ATXN1: variants seen among roughly 807,000 people sequenced by gnomAD.
The protein encoded by ATXN1 is ataxin-1.
In ATXN1, 8 loss-of-function variants were observed where a neutral mutation model predicts 56.4. The ratio of observed to expected loss-of-function variants is 0.14; its 90% CI spans 0.08 to 0.26. The LOEUF is 0.26. ATXN1 is among the 10% of genes least tolerant of loss of function. The pLI is 1.00. For missense variants in ATXN1, 987 were observed against 1,106.5 expected (o/e 0.89, Z 1.53); for synonymous variants, 514 against 494.6 (o/e 1.04, Z -0.52).
At chr6:16,641,948 C>G (rs527933880) in intron 3 of ATXN1, among the ~76,000 whole-genome samples, 1 of 152,036 alleles carries the variant, frequency 6.6e-6, no homozygotes, top group Non-Finnish European at 1.5e-5. Flanking sequence ...TTCAAGACTT[C>G]GGTGGAGGAA....
chr6:16,457,781 C>T (rs1288844936), intron 6 of ATXN1, among the ~76,000 whole-genome samples: 1 of 152,206 alleles, frequency 6.6e-6, no homozygotes, highest in African/African-American at 2.4e-5. Flanking sequence ...GCTCCCCTTC[C>T]TATTAATGAT....
chr6:16,689,694 A>C (rs536273917), intron 2 of ATXN1, among the ~76,000 whole-genome samples: 1 of 152,154 alleles, frequency 6.6e-6, no homozygotes, highest in East Asian at 1.9e-4. Flanking sequence ...TACATATACT[A>C]TAAAATGATT....
At chr6:16,491,277 A>AT (rs57395401) in intron 5 of ATXN1, among the ~76,000 whole-genome samples, 98 of 132,200 alleles carry the variant, frequency 7.4e-4, no homozygotes, top group African/African-American at 1.0e-3. Flanking sequence ...TATTATTATT[A>AT]TTTTTTTTTT....
At chr6:16,722,068 C>A (rs1019104991) in intron 2 of ATXN1, among the ~76,000 whole-genome samples, 2 of 152,312 alleles carry the variant, frequency 1.3e-5, no homozygotes, top group East Asian at 3.9e-4. Context: ...TGCAAAGATT[C>A]GTTCTTCTAG....
At chr6:16,704,984 C>T (rs1027878853) in intron 2 of ATXN1, among the ~76,000 whole-genome samples, 38 of 152,186 alleles carry the variant, frequency 2.5e-4, no homozygotes, top group Non-Finnish European at 1.2e-4. Context: ...GGCCCCCTTG[C>T]CTCCTCAGGC....
rs1015571607 is a variant in ATXN1 at position 16,550,528 on chromosome 6, CT to C, written c.-360-27841del. Among the ~76,000 whole-genome samples the C allele has an allele frequency of 9.2e-5, 14 of 152,204 alleles. 2 individuals carry two copies. Among genetic ancestry groups the C allele is most frequent in the Non-Finnish European group, 1.5e-5 (1 of 68,034 alleles). On this transcript the variant is annotated intron_variant, in intron 4 of 7. Coordinates refer to ENST00000436367, the MANE Select transcript of ATXN1 (RefSeq NM_001128164.2). ...CATGATGGTTACTGTTGACTATGCT[CT>C]TCTGTAGTTTTAAAAGTGCCTTTCA...
At chr6:16,307,360 TC>T (rs1371533243) in intron 7 of ATXN1, among the ~76,000 whole-genome samples, 1 of 152,056 alleles carries the variant, frequency 6.6e-6, no homozygotes, top group East Asian at 1.9e-4. Flanking sequence ...TATCACTGAG[TC>T]CCCAGCCCCT....
chr6:16,409,329 T>G (rs1442106421), intron 6 of ATXN1, among the ~76,000 whole-genome samples: 1 of 152,010 alleles, frequency 6.6e-6, no homozygotes, highest in African/African-American at 2.4e-5. Flanking sequence ...GTAGTTGTTA[T>G]GAGCACCAAC....
intron 4 of ATXN1, among the ~76,000 whole-genome samples, chr6:16,532,265 A>G (rs951887706): frequency 2.0e-5 from 3 of 152,228 alleles, no homozygotes; most frequent in Non-Finnish European, 2.9e-5. Context: ...TTAGATGACA[A>G]TGTCACACAG....
chr6:16,335,935 C>G (rs1272073093), intron 6 of ATXN1, among the ~76,000 whole-genome samples: 1 of 152,194 alleles, frequency 6.6e-6, no homozygotes, highest in African/African-American at 2.4e-5. Context: ...TCCACCAGCA[C>G]CTTAATTTTA....
At chr6:16,667,288 A>G (rs1343729115) in intron 2 of ATXN1, 1 of 152,224 alleles carries the variant, frequency 6.6e-6, no homozygotes, top group Non-Finnish European at 1.5e-5. Context: ...TAGTTGACTG[A>G]ACTTCGGTAG....
At chr6:16,539,594 T>C (rs1036540373) in intron 4 of ATXN1, among the ~76,000 whole-genome samples, 1 of 152,206 alleles carries the variant, frequency 6.6e-6, no homozygotes, top group Non-Finnish European at 1.5e-5. Flanking sequence ...CCAAAGGGCA[T>C]GCCATTTGCT....
intron 3 of ATXN1, among the ~76,000 whole-genome samples, chr6:16,606,927 C>A (rs949312694): frequency 2.5e-5 from 2 of 81,116 alleles, no homozygotes; most frequent in Non-Finnish European, 5.3e-5. Context: ...GCTCTTATTG[C>A]GCAGGCTGGA....
At chr6:16,602,627 T>A (rs1762932750) in intron 3 of ATXN1, among the ~76,000 whole-genome samples, 1 of 152,078 alleles carries the variant, frequency 6.6e-6, no homozygotes, top group African/African-American at 2.4e-5. Context: ...AATTTTTGTA[T>A]TTTTAGTACA....
intron 7 of ATXN1, among the ~76,000 whole-genome samples, chr6:16,315,459 T>C (rs1561847052): frequency 6.6e-6 from 1 of 152,166 alleles, no homozygotes; most frequent in African/African-American, 2.4e-5. Flanking sequence ...GTGGTCTGCA[T>C]GTGCCCCTTA....
At chr6:16,440,648 A>AAAAAAAAAAAAAAAAAAAAAGAAAG (rs748929817) in intron 6 of ATXN1, among the ~76,000 whole-genome samples, 3,936 of 117,174 alleles carry the variant, frequency 0.034, 200 homozygotes, top group Non-Finnish European at 0.04. Flanking sequence ...CTTAAAAAAA[A>AAAAAAAAAAAAAAAAAAAAAGAAAG]AAAAGAAAAG....
At chr6:16,640,555 T>C (rs1019435687) in intron 3 of ATXN1, among the ~76,000 whole-genome samples, 6 of 149,570 alleles carry the variant, frequency 4.0e-5, no homozygotes, top group Admixed American at 2.0e-4. Context: ...TAGTGGCGGG[T>C]GCCTGTAGTC....
At chr6:16,610,077 A>C (rs746799882) in intron 3 of ATXN1, among the ~76,000 whole-genome samples, 1 of 152,216 alleles carries the variant, frequency 6.6e-6, no homozygotes, top group Non-Finnish European at 1.5e-5. Flanking sequence ...CCCAAAAGGC[A>C]CTGGAAAAAA....
chr6:16,719,613 C>A (rs1581392077), intron 2 of ATXN1, among the ~76,000 whole-genome samples: 1 of 152,246 alleles, frequency 6.6e-6, no homozygotes, highest in East Asian at 1.9e-4. Context: ...TTGTGACAAC[C>A]CATGACAGCT....
Sources: allele counts gnomAD v4.1 joint callset (sites outside exome capture counted in the v4.1 genomes callset), GRCh38; gene constraint gnomAD v4.1.1; transcripts MANE v1.5; gene names NCBI Gene and HGNC (gene_info 2026-07-23, HGNC 2026-07-21).